Variants in TMTC1 observed in about 807,000 individuals in gnomAD.
TMTC1 encodes the protein transmembrane O-mannosyltransferase targeting cadherins 1.
Under a neutral mutation model 104.8 loss-of-function variants are expected in TMTC1, and 73 were observed. The ratio of observed to expected loss-of-function variants is 0.70; its 90% CI spans 0.58 to 0.85. TMTC1 has a LOEUF of 0.85. TMTC1 is among the 40% of genes least tolerant of loss of function. The pLI, the probability that TMTC1 is intolerant of heterozygous loss-of-function variation, is 0.00. For missense variants in TMTC1, 1,035 were observed against 1,096.1 expected (o/e 0.94, Z 0.79); for synonymous variants, 434 against 428.7 (o/e 1.01, Z -0.15).
chr12:29,636,881 C>CA (rs1229708609), intron 5 of TMTC1, among the ~76,000 whole-genome samples: 2 of 142,740 alleles, frequency 1.4e-5, no homozygotes, highest in Non-Finnish European at 3.0e-5. Flanking sequence ...CTCATCTCTA[C>CA]AAAAAATTAA....
intron 5 of TMTC1, among the ~76,000 whole-genome samples, chr12:29,633,590 A>C (rs1474318735): frequency 2.0e-5 from 3 of 152,190 alleles, no homozygotes; most frequent in Non-Finnish European, 4.4e-5. Context: ...AGTTTCCATG[A>C]CATATATTTT....
chr12:29,559,617 G>T (rs1945329800), intron 9 of TMTC1, among the ~76,000 whole-genome samples: 1 of 152,206 alleles, frequency 6.6e-6, no homozygotes, highest in Non-Finnish European at 1.5e-5. Flanking sequence ...TGATGCTCAG[G>T]AGGAGGGACC....
chr12:29,714,872 C>G (rs1397856283), intron 5 of TMTC1, among the ~76,000 whole-genome samples: 1 of 152,232 alleles, frequency 6.6e-6, no homozygotes, highest in Non-Finnish European at 1.5e-5. Context: ...AAAGACTTTC[C>G]AGAACGAATC....
intron 8 of TMTC1, 27 bp from the exon 9 acceptor site, chr12:29,572,245 ATTAT>A (rs1565679583): frequency 6.6e-7 from 1 of 1,523,658 alleles, no homozygotes; most frequent in African/African-American, 1.4e-5. Flanking sequence ...TTTAAAAAGA[ATTAT>A]TTGACAAAGA....
chr12:29,646,169 C>A (rs117991141), intron 5 of TMTC1, among the ~76,000 whole-genome samples: 6,294 of 152,302 alleles, frequency 0.041, 171 homozygotes, highest in Admixed American at 0.066. Context: ...CCCTGACTCA[C>A]TCCTTCATCA....
At chr12:29,730,043 G>A (rs1942505937) in intron 5 of TMTC1, among the ~76,000 whole-genome samples, 1 of 152,162 alleles carries the variant, frequency 6.6e-6, no homozygotes, top group African/African-American at 2.4e-5. Context: ...CGAGAACAAG[G>A]GATGGGGGGA....
intron 10 of TMTC1, among the ~76,000 whole-genome samples, chr12:29,543,368 C>T (rs773608586): frequency 6.6e-6 from 1 of 152,154 alleles, no homozygotes; most frequent in Non-Finnish European, 1.5e-5. Flanking sequence ...TGTCTAAAGT[C>T]TCATGACATA....
rs775058568 is a variant in TMTC1, at chr12:29,758,684, G to T, written c.554+20C>A. 128 of 1,610,674 alleles carry T rather than the reference G, an allele frequency of 7.9e-5. No homozygotes were observed. The highest frequency in any genetic ancestry group is 1.0e-4 in the Non-Finnish European group (120 of 1,177,718). On this transcript the variant is annotated intron_variant, in intron 3 of 17. Coordinates refer to ENST00000539277, the MANE Select transcript of TMTC1 (RefSeq NM_001193451.2). The stretch of plus-strand genomic sequence containing the variant: ...GGCACAGTTGCGATCACAGAGAAGG[G>T]CATTCTTAGCTACACATACCTGTTG...
Position 29,505,581 on chromosome 12 carries a change from A to G in TMTC1, c.*1265T>C, listed in dbSNP as rs1943678799. On this transcript the variant is annotated 3_prime_UTR_variant, in exon 18 of 18. Transcript: ENST00000539277. ...TATTAAAACCACTTTGTACAGAGAA[A>G]AAAGAAGAGTGTGTATGTATATATT... 1 of 152,202 alleles carries G rather than the reference A, an allele frequency of 6.6e-6. No homozygotes were observed. Among genetic ancestry groups the G allele is most frequent in the Admixed American group, 6.5e-5 (1 of 15,290 alleles). The allele number at this position is 152,202 out of a possible 1,614,324, so 9.4% of individuals were successfully genotyped here. A position where few individuals can be genotyped will look rare whatever the true frequency, so the allele number is the denominator to read the frequency against.
At chr12:29,575,756 A>G (rs1260721957) in intron 8 of TMTC1, among the ~76,000 whole-genome samples, 3 of 152,148 alleles carry the variant, frequency 2.0e-5, no homozygotes, top group African/African-American at 4.8e-5. Flanking sequence ...CTTTGGGTAA[A>G]TACCCGAGGA....
intron 2 of TMTC1, among the ~76,000 whole-genome samples, chr12:29,765,116 T>C (rs1276753233): frequency 3.3e-5 from 5 of 152,236 alleles, no homozygotes; most frequent in African/African-American, 1.2e-4. Context: ...ACATATTCTA[T>C]ATGTCTAGTA....
intron 5 of TMTC1, among the ~76,000 whole-genome samples, chr12:29,724,845 C>G (rs939801471): frequency 2.6e-5 from 4 of 151,972 alleles, no homozygotes; most frequent in Non-Finnish European, 5.9e-5. Flanking sequence ...ACTTTACATA[C>G]AGTTTTAAAA....
intron 5 of TMTC1, among the ~76,000 whole-genome samples, chr12:29,656,527 G>T (rs1255707526): frequency 6.6e-6 from 1 of 151,582 alleles, no homozygotes; most frequent in East Asian, 1.9e-4. Context: ...GTTAATTTTT[G>T]TATTTTTGGT....
chr12:29,671,232 G>A (rs1046522542), intron 5 of TMTC1, among the ~76,000 whole-genome samples: 19 of 151,334 alleles, frequency 1.3e-4, no homozygotes, highest in African/African-American at 3.6e-4. Context: ...GGAGGCCTCC[G>A]GAGGTTGCAG....
In TMTC1 at chr12:29,536,303, T is replaced by G; in HGVS notation, c.1691A>C (p.Lys564Thr). Residue 564 changes from lysine (K) to threonine (T), a missense_variant, in exon 11 of 18, where the codon AAG (lysine) becomes ACG (threonine). Lys to Thr is a moderately conservative substitution (Grantham distance 78, BLOSUM62 -1). Coordinates refer to ENST00000539277, the MANE Select transcript of TMTC1 (RefSeq NM_001193451.2). Reference protein sequence around the residue: ...LGNLLKSQEKKEEAITLLKDS... With the variant: ...LGNLLKSQEKTEEAITLLKDS... ...CTTCAGTAAGGTGATAGCTTCTTCC[T>G]TTTTCTCCTGGGACCTATAGATAAT... 1 of 1,606,170 alleles carries G rather than the reference T, an allele frequency of 6.2e-7. No individual in the cohort carries two copies.
intron 5 of TMTC1, among the ~76,000 whole-genome samples, chr12:29,661,568 CTTT>C (rs202175817): frequency 0.42 from 62,691 of 149,952 alleles, 13,868 homozygotes; most frequent in African/African-American, 0.53. Context: ...ACTACAGGTA[CTTT>C]TTGTATTTTT....
At position 29,633,449 on chromosome 12, in the gene TMTC1, G is replaced by A. The variant is rs548379379; in HGVS notation, c.939-113C>T. Reference sequence around the variant, plus strand: ...ATTTCTACCCAGTCAATGTTATCTTGGAGGAGAAGACAAGGGAAGATGGAA... The same window carrying A: ...ATTTCTACCCAGTCAATGTTATCTTAGAGGAGAAGACAAGGGAAGATGGAA... On this transcript the variant is annotated intron_variant, in intron 5 of 17. Coordinates refer to ENST00000539277, the MANE Select transcript of TMTC1 (RefSeq NM_001193451.2). 1.2e-4 allele frequency: 104 copies of A among 862,258 alleles called. No homozygotes were observed. The Middle Eastern group carries it at 1.6e-3, about 13-fold the overall frequency. 53.4% of individuals were successfully genotyped at this position (862,258 alleles called of 1,614,324 possible). A position where few individuals can be genotyped will look rare whatever the true frequency, so the allele number is the denominator to read the frequency against.
At chr12:29,546,332 C>A (rs1944941267) in intron 10 of TMTC1, among the ~76,000 whole-genome samples, 1 of 152,190 alleles carries the variant, frequency 6.6e-6, no homozygotes, top group Non-Finnish European at 1.5e-5. Flanking sequence ...CCCTGCTATG[C>A]TGGCCGGCAG....
chr12:29,706,095 T>C (rs932065681), intron 5 of TMTC1, among the ~76,000 whole-genome samples: 1 of 152,138 alleles, frequency 6.6e-6, no homozygotes, highest in African/African-American at 2.4e-5. Context: ...CTACTAGGGG[T>C]TGGTGTGTAT....
Sources: allele counts gnomAD v4.1 joint callset (sites outside exome capture counted in the v4.1 genomes callset), GRCh38; gene constraint gnomAD v4.1.1; transcripts MANE v1.5; gene names NCBI Gene and HGNC (gene_info 2026-07-23, HGNC 2026-07-21).